The following CPD variants were observed in gnomAD, a reference collection of about 807,000 sequenced individuals.
CPD encodes metallocarboxypeptidase D.
In CPD, 69 loss-of-function variants were observed where a neutral mutation model predicts 138.3. The ratio of observed to expected loss-of-function variants is 0.50; its 90% CI spans 0.41 to 0.61. The LOEUF is 0.61. CPD is among the 20% of genes least tolerant of loss of function. CPD has a pLI of 0.00. For missense variants in CPD, 1,432 were observed against 1,733.3 expected (o/e 0.83, Z 3.09); for synonymous variants, 651 against 642.1 (o/e 1.01, Z -0.21).
Position 30,468,249 on chromosome 17 carries a change from T to C in CPD, c.*3435T>C, listed in dbSNP as rs187354982. The C allele has an allele frequency of 6.5e-6, 1 of 152,758 alleles. No individual in the cohort carries two copies. Among genetic ancestry groups the C allele is most frequent in the Admixed American group, 6.5e-5 (1 of 15,302 alleles). 9.5% of individuals were successfully genotyped at this position (152,758 alleles called of 1,614,324 possible). A position where few individuals can be genotyped will look rare whatever the true frequency, so the allele number is the denominator to read the frequency against. On this transcript the variant is annotated 3_prime_UTR_variant, in exon 21 of 21. Transcript: ENST00000225719. ...AAAGTAGGTTACCATTTTGAGGCAG[T>C]TGGATATAAATTATGTAAATATGTA...
chr17:30,468,012 C>G lies in CPD; in HGVS notation c.*3198C>G, dbSNP rs1270198421. ...TTCTATAGCAACTTTTTTGGTAACT[C>G]TTTGGGTTTCTGATTTGTTTTAGCT... On this transcript the variant is annotated 3_prime_UTR_variant, in exon 21 of 21. Coordinates refer to ENST00000225719, the MANE Select transcript of CPD (RefSeq NM_001304.5). The G allele has an allele frequency of 6.6e-6, 1 of 152,058 alleles. No individual in the cohort carries two copies. The highest frequency in any genetic ancestry group is 1.5e-5 in the Non-Finnish European group (1 of 67,954). The allele number at this position is 152,058 out of a possible 1,614,324, so 9.4% of individuals were successfully genotyped here.
rs760486217 is a variant in CPD at position 30,427,431 on chromosome 17, C to T, written c.1890C>T (p.Asn630=). Residue 630 remains asparagine, a synonymous_variant, in exon 7 of 21, where the codon AAC becomes AAT. Transcript: ENST00000225719. ...TAATTGGCAGAAACAACAGCAACAA[C>T]TTTGACCTGAACCGAAATTTCCCAG... The part of the protein sequence containing the change: ...ISVIGRNNSN[N]FDLNRNFPDQ... 2 of 1,614,140 alleles carry T rather than the reference C, an allele frequency of 1.2e-6. No individual in the cohort carries two copies. Among genetic ancestry groups the T allele is most frequent in the Non-Finnish European group, 1.7e-6 (2 of 1,180,006 alleles).
rs1913584394 is a variant in CPD at position 30,464,634 on chromosome 17, C to T, written c.3963C>T (p.Cys1321=). 6.2e-7 allele frequency: 1 copy of T among 1,613,764 alleles called. No individual in the cohort carries two copies. Among genetic ancestry groups the T allele is most frequent in the Admixed American group, 1.7e-5 (1 of 59,994 alleles). The stretch of plus-strand genomic sequence containing the variant: ...TCCTAACAGCTTGCATTATTTGGTG[C>T]ATCTGCTCAATCAAGTCTAATAGAC... ...ALILTACIIW[C]ICSIKSNRHK... Residue 1321 remains cysteine (C), a synonymous_variant, in exon 21 of 21, where the codon TGC becomes TGT. Coordinates refer to ENST00000225719, the MANE Select transcript of CPD (RefSeq NM_001304.5).
In CPD at chr17:30,462,417, C is replaced by T; in HGVS notation, c.3864C>T (p.Asp1288=). 6.2e-7 allele frequency: 1 copy of T among 1,613,958 alleles called. No individual in the cohort carries two copies. The highest frequency in any genetic ancestry group is 1.3e-5 in the African/African-American group (1 of 75,000). ...DAASSVVIVF[D]TDNRIFGLPR... ...CTAGTTCTGTGGTGATAGTCTTTGACACAGATAACCGGATATTTGGTTTGC... is the reference window on the plus strand; with the variant it reads ...CTAGTTCTGTGGTGATAGTCTTTGATACAGATAACCGGATATTTGGTTTGC... Residue 1288 remains aspartate (D), a synonymous_variant, in exon 20 of 21, where the codon GAC becomes GAT. Transcript: ENST00000225719.
At chr17:30,389,328 T>G (rs930505176) in intron 2 of CPD, among the ~76,000 whole-genome samples, 2 of 152,224 alleles carry the variant, frequency 1.3e-5, no homozygotes, top group African/African-American at 4.8e-5. Flanking sequence ...ACATACTATT[T>G]AGAAGTGAAA....
intron 12 of CPD, among the ~76,000 whole-genome samples, chr17:30,448,971 G>A (rs1913097908): frequency 6.6e-6 from 1 of 152,010 alleles, no homozygotes; most frequent in African/African-American, 2.4e-5. Context: ...AGCTAGGCAT[G>A]GTGGTGCAAA....
intron 8 of CPD, among the ~76,000 whole-genome samples, chr17:30,434,721 G>T (rs769290668): frequency 6.6e-6 from 1 of 152,030 alleles, no homozygotes; most frequent in Non-Finnish European, 1.5e-5. Flanking sequence ...AGGAAAAAGT[G>T]GGGAGAAATG....
rs1402193599 is a variant in CPD at position 30,427,511 on chromosome 17, G to C, written c.1970G>C (p.Ser657Thr). Residue 657 changes from serine (S) to threonine (T), a missense_variant, in exon 7 of 21, where the codon AGC (serine) becomes ACC (threonine). This residue lies in a region of CPD where 297 missense variants were observed against 405.3 expected (regional missense o/e 0.73). Coordinates refer to ENST00000225719, the MANE Select transcript of CPD (RefSeq NM_001304.5). ...PTQPETIAVM[S>T]WMKSYPFVLS... The stretch of plus-strand genomic sequence containing the variant: ...CAACCAGAAACTATTGCTGTAATGA[G>C]CTGGATGAAGTCCTATCCATTTGTA... 1.2e-6 allele frequency: 2 copies of C among 1,614,140 alleles called. No individual in the cohort carries two copies. The highest frequency in any genetic ancestry group is 2.7e-5 in the African/African-American group (2 of 75,034).
Position 30,467,341 on chromosome 17 carries a change from G to C in CPD, c.*2527G>C, listed in dbSNP as rs1225325243. 6.6e-6 allele frequency: 1 copy of C among 152,420 alleles called. No homozygotes were observed. The highest frequency in any genetic ancestry group is 1.5e-5 in the Non-Finnish European group (1 of 68,020). The allele number at this position is 152,420 out of a possible 1,614,324, so 9.4% of individuals were successfully genotyped here. A position where few individuals can be genotyped will look rare whatever the true frequency, so the allele number is the denominator to read the frequency against. ...TTAATAAAAGCAAAGTGATTGAGTAGGTAATGTTCAAAGTGTCTGCCTGTG... is the reference window on the plus strand; with the variant it reads ...TTAATAAAAGCAAAGTGATTGAGTACGTAATGTTCAAAGTGTCTGCCTGTG... On this transcript the variant is annotated 3_prime_UTR_variant, in exon 21 of 21. Coordinates refer to ENST00000225719, the MANE Select transcript of CPD (RefSeq NM_001304.5).
intron 2 of CPD, among the ~76,000 whole-genome samples, chr17:30,389,885 T>A (rs1347087618): frequency 2.0e-5 from 3 of 152,244 alleles, no homozygotes; most frequent in African/African-American, 7.2e-5. Context: ...CAGCAAATAT[T>A]GAGCAGTTTC....
At chr17:30,430,219 C>T (rs1221402482) in intron 7 of CPD, among the ~76,000 whole-genome samples, 1 of 152,066 alleles carries the variant, frequency 6.6e-6, no homozygotes, top group African/African-American at 2.4e-5. Context: ...GCAACCACCC[C>T]CTCTATCTTG....
intron 12 of CPD, among the ~76,000 whole-genome samples, chr17:30,449,175 C>A (rs1418524084): frequency 6.6e-6 from 1 of 151,928 alleles, no homozygotes; most frequent in Admixed American, 6.6e-5. Context: ...TATGTTCATA[C>A]ATACTTAAAT....
intron 14 of CPD, chr17:30,454,105 C>CA (rs941924177): frequency 6.6e-6 from 1 of 152,244 alleles, no homozygotes; most frequent in African/African-American, 2.4e-5. Context: ...TGGGGATTAA[C>CA]ATTAGGCTCC....
At chr17:30,412,616 C>G (rs1444176123) in intron 2 of CPD, among the ~76,000 whole-genome samples, 1 of 152,212 alleles carries the variant, frequency 6.6e-6, no homozygotes, top group Non-Finnish European at 1.5e-5. Context: ...AGGCTGCAGC[C>G]TCGCAGGTTG....
In CPD at chr17:30,455,317, A is replaced by G. The variant is rs73277589; in HGVS notation, c.3206-22A>G. 169 of 1,578,972 alleles carry G rather than the reference A, an allele frequency of 1.1e-4. No individual in the cohort carries two copies. In the African/African-American group the frequency reaches 2.1e-3, roughly 20 times the overall value. Reference sequence around the variant, plus strand: ...TAAGATTTAAAATTTGATATTTTATATTTGACTTTTCTCTTTTTTAGATAA... The same window carrying G: ...TAAGATTTAAAATTTGATATTTTATGTTTGACTTTTCTCTTTTTTAGATAA... On this transcript the variant is annotated intron_variant, in intron 14 of 20. Transcript: ENST00000225719.
At position 30,399,013 on chromosome 17, in the gene CPD, G is replaced by T. The variant is rs112052129; in HGVS notation, c.994+13777G>T. Among the ~76,000 whole-genome samples, 389 of 151,996 alleles carry T rather than the reference G, an allele frequency of 2.6e-3. 2 individuals carry two copies. The highest frequency in any genetic ancestry group is 8.6e-3 in the African/African-American group (359 of 41,520). On this transcript the variant is annotated intron_variant, in intron 2 of 20. Coordinates refer to ENST00000225719, the MANE Select transcript of CPD (RefSeq NM_001304.5). Reference sequence around the variant, plus strand: ...ATTTATGAGTTTGAAGAAGATAAAGGTAGACATCACAACTCATTAATTGCC... The same window carrying T: ...ATTTATGAGTTTGAAGAAGATAAAGTTAGACATCACAACTCATTAATTGCC...
intron 2 of CPD, among the ~76,000 whole-genome samples, chr17:30,399,781 G>A (rs920831537): frequency 6.6e-6 from 1 of 152,164 alleles, no homozygotes; most frequent in African/African-American, 2.4e-5. Context: ...CTTGAGGTCA[G>A]GAGTTCGAGA....
In CPD at chr17:30,385,122, G is replaced by A. The variant is rs1911144967; in HGVS notation, c.880G>A (p.Ala294Thr). The A allele has an allele frequency of 1.2e-6, 2 of 1,613,936 alleles. No homozygotes were observed. Among genetic ancestry groups the A allele is most frequent in the Non-Finnish European group, 1.7e-6 (2 of 1,179,982 alleles). Reference sequence around the variant, plus strand: ...TGAAGTATTTAAATACTTGGCAAAAGCTTATGCTTCAAACCACCCCATAAT... The same window carrying A: ...TGAAGTATTTAAATACTTGGCAAAAACTTATGCTTCAAACCACCCCATAAT... ...DDEVFKYLAKAYASNHPIMKT... is the reference protein window; with the variant it reads ...DDEVFKYLAKTYASNHPIMKT... Residue 294 changes from alanine to threonine, a missense_variant, in exon 2 of 21, where the codon GCT (alanine) becomes ACT (threonine). Ala to Thr is a moderately conservative substitution (Grantham distance 58, BLOSUM62 0). Around this residue, in one of 6 missense-constraint regions of CPD, gnomAD observed 484 missense variants for 477.2 expected, o/e 1.01. Transcript: ENST00000225719.
At chr17:30,399,150 T>C (rs1174306802) in intron 2 of CPD, among the ~76,000 whole-genome samples, 4 of 152,056 alleles carry the variant, frequency 2.6e-5, no homozygotes, top group Non-Finnish European at 1.5e-5. Flanking sequence ...TTGATTTCAA[T>C]ATAATAACAT....
Sources: gnomAD v4.1 joint callset for allele counts (sites outside exome capture counted in the v4.1 genomes callset) on GRCh38, gnomAD v4.1.1 for gene constraint, gnomAD v4.1.1 regional missense constraint, MANE v1.5 for transcripts, NCBI Gene and HGNC (gene_info 2026-07-23, HGNC 2026-07-21) for gene names.